The following MAPK8 variants were observed in gnomAD, a reference collection of about 807,000 sequenced individuals.
MAPK8 encodes the protein mitogen-activated protein kinase 8.
In MAPK8, 13 loss-of-function variants were observed where a neutral mutation model predicts 52.9. That is an observed-to-expected ratio of 0.25 (90% CI 0.16 to 0.39). MAPK8 has a LOEUF of 0.39. Among genes scored for constraint, MAPK8 ranks in the 10% least tolerant of loss-of-function variants. The pLI is 1.00. For missense variants in MAPK8, 300 were observed against 519.2 expected (o/e 0.58, Z 4.10); for synonymous variants, 191 against 169.8 (o/e 1.12, Z -0.97).
intron 1 of MAPK8, among the ~76,000 whole-genome samples, chr10:48,387,505 T>C (rs2041384893): frequency 6.6e-6 from 1 of 152,130 alleles, no homozygotes; most frequent in African/African-American, 2.4e-5. Flanking sequence ...TTTATAAGAT[T>C]ATATATTTTT....
chr10:48,323,174 A>G (rs1185782780), intron 1 of MAPK8, among the ~76,000 whole-genome samples: 3 of 152,188 alleles, frequency 2.0e-5, no homozygotes, highest in Admixed American at 6.5e-5. Context: ...AGAAAACTAG[A>G]TATTTTTGCA....
intron 1 of MAPK8, among the ~76,000 whole-genome samples, chr10:48,336,832 ATTG>A (rs1353695191): frequency 6.6e-6 from 1 of 152,176 alleles, no homozygotes; most frequent in Non-Finnish European, 1.5e-5. Context: ...AGGTGTTGCT[ATTG>A]TTGTATCAGA....
At chr10:48,387,305 G>A (rs1430521033) in intron 1 of MAPK8, among the ~76,000 whole-genome samples, 2 of 152,126 alleles carry the variant, frequency 1.3e-5, no homozygotes, top group Non-Finnish European at 2.9e-5. Context: ...GGCAACTAAA[G>A]AAACATGCTA....
At chr10:48,344,784 ATATAAT>A (rs1374564903) in intron 1 of MAPK8, among the ~76,000 whole-genome samples, 1 of 152,214 alleles carries the variant, frequency 6.6e-6, no homozygotes, top group Non-Finnish European at 1.5e-5. Context: ...TGCCCAAACC[ATATAAT>A]TAGAATTACA....
At chr10:48,350,879 GC>G (rs1310282819) in intron 1 of MAPK8, among the ~76,000 whole-genome samples, 1 of 152,188 alleles carries the variant, frequency 6.6e-6, no homozygotes, top group Non-Finnish European at 1.5e-5. Flanking sequence ...CATCGTCTCA[GC>G]CCAAAATCTC....
chr10:48,328,795 A>G (rs1044636850), intron 1 of MAPK8, among the ~76,000 whole-genome samples: 2 of 152,226 alleles, frequency 1.3e-5, no homozygotes, highest in Non-Finnish European at 2.9e-5. Flanking sequence ...TATCCAGCCA[A>G]ACTCTTCTAT....
intron 1 of MAPK8, among the ~76,000 whole-genome samples, chr10:48,384,667 A>G (rs905326788): frequency 3.3e-5 from 5 of 152,246 alleles, no homozygotes; most frequent in Admixed American, 2.0e-4. Context: ...GAACAGCCCA[A>G]ATAAAATGTA....
At chr10:48,374,208 C>A (rs1333802879) in intron 1 of MAPK8, among the ~76,000 whole-genome samples, 1 of 152,068 alleles carries the variant, frequency 6.6e-6, no homozygotes, top group African/African-American at 2.4e-5. Flanking sequence ...AGAACAAAGA[C>A]ACAATGTAGG....
At chr10:48,409,847 C>A (rs1416290774) in intron 3 of MAPK8, 32 bp from the exon 4 acceptor site, 1 of 1,456,870 alleles carries the variant, frequency 6.9e-7, no homozygotes, top group Non-Finnish European at 9.5e-7. Flanking sequence ...GAAGTAATTT[C>A]TAATTTTTCT....
chr10:48,371,643 C>T (rs1280307080), intron 1 of MAPK8, among the ~76,000 whole-genome samples: 2 of 152,036 alleles, frequency 1.3e-5, no homozygotes, highest in African/African-American at 2.4e-5. Context: ...CAACAGACAC[C>T]AACTGGGTGT....
At chr10:48,324,610 C>T (rs1843316728) in intron 1 of MAPK8, among the ~76,000 whole-genome samples, 1 of 149,320 alleles carries the variant, frequency 6.7e-6, no homozygotes, top group Admixed American at 6.8e-5. Flanking sequence ...TTTCTTGTAG[C>T]AATTAACTTT....
At chr10:48,387,137 A>G (rs568399928) in intron 1 of MAPK8, among the ~76,000 whole-genome samples, 2 of 152,358 alleles carry the variant, frequency 1.3e-5, no homozygotes, top group East Asian at 3.8e-4. Context: ...GCAGAACTAC[A>G]AACCAGGCCT....
chr10:48,372,612 A>G (rs2040394508), intron 1 of MAPK8, among the ~76,000 whole-genome samples: 1 of 152,088 alleles, frequency 6.6e-6, no homozygotes, highest in African/African-American at 2.4e-5. Context: ...ATCAAGTGGA[A>G]GAAAGGATAT....
chr10:48,408,980 A>G (rs541272364), intron 3 of MAPK8, among the ~76,000 whole-genome samples: 30 of 152,300 alleles, frequency 2.0e-4, no homozygotes, highest in African/African-American at 7.0e-4. Context: ...TAATTCCATT[A>G]TGAGCGCCCC....
intron 1 of MAPK8, among the ~76,000 whole-genome samples, chr10:48,394,317 T>A (rs1047559395): frequency 1.3e-5 from 2 of 151,936 alleles, no homozygotes; most frequent in African/African-American, 4.8e-5. Flanking sequence ...CAGTCCAGTA[T>A]TCCTTATAAA....
In MAPK8 at chr10:48,431,737, A is replaced by T. The variant is rs2044288741; in HGVS notation, c.1138+467A>T. 1.3e-5 allele frequency among the ~76,000 whole-genome samples: 2 copies of T among 152,204 alleles called. 1 individual carries two copies. The highest frequency in any genetic ancestry group is 2.9e-5 in the Non-Finnish European group (2 of 68,010). On this transcript the variant is annotated intron_variant, in intron 11 of 11. Coordinates refer to ENST00000374189, the MANE Select transcript of MAPK8 (RefSeq NM_001323329.2). ...CATCACTAGAAAGTATTCTTTCTCT[A>T]AGAAGAAAACTGGGTTTGTAGGAGT...
At chr10:48,310,252 A>G (rs1343423907) in intron 1 of MAPK8, among the ~76,000 whole-genome samples, 1 of 152,176 alleles carries the variant, frequency 6.6e-6, no homozygotes, top group East Asian at 1.9e-4. Flanking sequence ...ACTTTTTTTT[A>G]TAGAAGGCTT....
chr10:48,364,055 A>T (rs546056846), intron 1 of MAPK8, among the ~76,000 whole-genome samples: 2 of 152,308 alleles, frequency 1.3e-5, no homozygotes, highest in East Asian at 3.9e-4. Context: ...TTCCTGATTC[A>T]TAGTCATTTG....
At chr10:48,320,598 C>T (rs187376707) in intron 1 of MAPK8, among the ~76,000 whole-genome samples, 172 of 152,184 alleles carry the variant, frequency 1.1e-3, no homozygotes, top group African/African-American at 3.9e-3. Context: ...ATTTTATTTA[C>T]CTACACTTCA....
Sources: allele counts gnomAD v4.1 joint callset (sites outside exome capture counted in the v4.1 genomes callset), GRCh38; gene constraint gnomAD v4.1.1; transcripts MANE v1.5; gene names NCBI Gene and HGNC (gene_info 2026-07-23, HGNC 2026-07-21).